The following DPP6 variants were observed in gnomAD, a reference collection of about 807,000 sequenced individuals.
DPP6 encodes dipeptidyl peptidase like 6, also known as A-type potassium channel modulatory protein DPP6.
A neutral mutation model predicts 122.6 loss-of-function variants in DPP6; 69 were observed. The observed-to-expected ratio is 0.56, with a 90% CI of 0.46 to 0.69. The LOEUF (loss-of-function observed/expected upper bound fraction) is 0.69, where lower values mean the gene tolerates loss of function less well. Among genes scored for constraint, DPP6 ranks in the 30% least tolerant of loss-of-function variants. The probability of loss-of-function intolerance (pLI) is 0.00; values close to 1 mark genes in which losing one functional copy is unlikely to be tolerated. For missense variants in DPP6, 928 were observed against 1,116.9 expected (o/e 0.83, Z 2.41); for synonymous variants, 418 against 433.1 (o/e 0.97, Z 0.43).
At chr7:153,997,623 T>G (rs1294132491) in intron 1 of DPP6, among the ~76,000 whole-genome samples, 1 of 68,670 alleles carries the variant, frequency 1.5e-5, no homozygotes, top group East Asian at 3.1e-4. Flanking sequence ...ACACCTGTTT[T>G]GTATTCAAAC....
At chr7:154,854,987 G>C (rs906248979) in intron 17 of DPP6, among the ~76,000 whole-genome samples, 2 of 152,018 alleles carry the variant, frequency 1.3e-5, no homozygotes, top group Non-Finnish European at 2.9e-5. Context: ...AGTTCCCCTA[G>C]GTCTGGGGAC....
At chr7:154,547,766 CT>C (rs967138553) in intron 4 of DPP6, among the ~76,000 whole-genome samples, 10 of 151,584 alleles carry the variant, frequency 6.6e-5, no homozygotes, top group South Asian at 2.1e-4. Context: ...CTCTCTCTCT[CT>C]TTTTTTTTCT....
chr7:154,300,446 TC>T (rs1477485720), intron 1 of DPP6, among the ~76,000 whole-genome samples: 1 of 152,186 alleles, frequency 6.6e-6, no homozygotes, highest in Non-Finnish European at 1.5e-5. Context: ...TTGCAATTCT[TC>T]CTAGACACAA....
intron 1 of DPP6, among the ~76,000 whole-genome samples, chr7:153,946,604 A>G (rs143891824): frequency 1.6e-4 from 24 of 152,188 alleles, no homozygotes; most frequent in African/African-American, 5.5e-4. Flanking sequence ...TGTGACTAAG[A>G]GCACCTAACC....
chr7:153,757,801 A>G, the DPP6 span, among the ~76,000 whole-genome samples: 1 of 152,124 alleles, frequency 6.6e-6, no homozygotes, highest in South Asian at 2.1e-4. Context: ...CTACTAAAAT[A>G]CAAAAATTAG....
chr7:154,877,730 C>A lies in DPP6; in HGVS notation c.2078+1630C>A, dbSNP rs779505042. Among the ~76,000 whole-genome samples, 1 of 152,242 alleles carries A rather than the reference C, an allele frequency of 6.6e-6. No individual in the cohort carries two copies. The highest frequency in any genetic ancestry group is 1.5e-5 in the Non-Finnish European group (1 of 68,036). ...GCAGACAGCAAACCTCTCCTTCCAT[C>A]TCCCTGGCCCTCCCCTGCCCATTCC... is the stretch of plus-strand genomic sequence containing the variant. On this transcript the variant is annotated intron_variant, in intron 20 of 25. Coordinates refer to ENST00000377770, the MANE Select transcript of DPP6 (RefSeq NM_130797.4). This position sits in a 1 kb window ranked among gnomAD's most constrained non-coding sequence, Gnocchi z 5.2.
intron 6 of DPP6, among the ~76,000 whole-genome samples, chr7:154,668,630 A>G (rs1470570566): frequency 6.6e-6 from 1 of 152,166 alleles, no homozygotes; most frequent in East Asian, 1.9e-4. Context: ...CAAAAGAAAC[A>G]TGAAAATGAA....
At chr7:154,454,558 T>A (rs1261143176) in intron 2 of DPP6, among the ~76,000 whole-genome samples, 1 of 152,012 alleles carries the variant, frequency 6.6e-6, no homozygotes, top group Non-Finnish European at 1.5e-5. Context: ...CCATGAGCCC[T>A]CGGGGGACAG....
At chr7:154,694,057 C>T (rs936351939) in intron 7 of DPP6, among the ~76,000 whole-genome samples, 14 of 152,192 alleles carry the variant, frequency 9.2e-5, no homozygotes, top group African/African-American at 3.4e-4. Context: ...TCAAGGTTAA[C>T]TTGCTAGCTG....
chr7:153,811,629 A>G, the DPP6 span, among the ~76,000 whole-genome samples: 2 of 151,988 alleles, frequency 1.3e-5, no homozygotes, highest in Non-Finnish European at 2.9e-5. Context: ...GGCACAGGAC[A>G]CTAGAAGTCA....
intron 16 of DPP6, among the ~76,000 whole-genome samples, chr7:154,822,488 G>T (rs1055042568): frequency 6.6e-6 from 1 of 152,120 alleles, no homozygotes; most frequent in Non-Finnish European, 1.5e-5. Flanking sequence ...CTGTCACCTT[G>T]TGGGTAAGGA....
intron 1 of DPP6, among the ~76,000 whole-genome samples, chr7:154,181,497 A>C (rs1462242614): frequency 6.6e-6 from 1 of 152,194 alleles, no homozygotes; most frequent in African/African-American, 2.4e-5. Flanking sequence ...GACGGCCTTA[A>C]ATAAAGATCC....
intron 3 of DPP6, among the ~76,000 whole-genome samples, chr7:154,515,665 C>A (rs1335190368): frequency 6.6e-6 from 1 of 152,066 alleles, no homozygotes; most frequent in East Asian, 1.9e-4. Flanking sequence ...TTGGTAAAGA[C>A]AGGGTGTTTC....
intron 1 of DPP6, among the ~76,000 whole-genome samples, chr7:153,965,027 CCTTCCTTT>C (rs1397812358): frequency 4.9e-5 from 6 of 123,648 alleles, no homozygotes; most frequent in South Asian, 5.1e-4. Flanking sequence ...TTCCTTCCTT[CCTTCCTTT>C]CTTTCTCTCA....
At chr7:154,417,790 C>T (rs1166934960) in intron 1 of DPP6, among the ~76,000 whole-genome samples, 1 of 151,402 alleles carries the variant, frequency 6.6e-6, no homozygotes, top group Non-Finnish European at 1.5e-5. Flanking sequence ...CTACTCTGTG[C>T]CAGCTACTCT....
intron 1 of DPP6, among the ~76,000 whole-genome samples, chr7:154,387,691 C>A (rs1005346066): frequency 2.6e-5 from 4 of 152,224 alleles, no homozygotes; most frequent in African/African-American, 2.4e-5. Context: ...AGCCTCCCCC[C>A]AACCGAGCCC....
rs143944650 is a variant in DPP6 at position 154,324,867 on chromosome 7, A to ATTTTTTTT, written c.244-121338_244-121331dup. 1.6e-3 allele frequency among the ~76,000 whole-genome samples: 178 copies of ATTTTTTTT among 113,042 alleles called. 6 individuals carry two copies. The highest frequency in any genetic ancestry group is 4.9e-3 in the African/African-American group (145 of 29,570). The allele number at this position is 113,042 out of a possible 152,430, so 74.2% of individuals were successfully genotyped here. A position where few individuals can be genotyped will look rare whatever the true frequency, so the allele number is the denominator to read the frequency against. The stretch of plus-strand genomic sequence containing the variant: ...TCTTTCTTTCTTCTTTCCTTTTGTT[A>ATTTTTTTT]TTTTTTTTTTTTTTTTGAGTCTTGC... On this transcript the variant is annotated intron_variant, in intron 1 of 25. Transcript: ENST00000377770.
At chr7:154,873,824 G>A (rs1331766883) in intron 19 of DPP6, among the ~76,000 whole-genome samples, 11 of 79,700 alleles carry the variant, frequency 1.4e-4, no homozygotes, top group South Asian at 4.3e-4. Flanking sequence ...ATGCACACAC[G>A]CATACATAAA....
At chr7:154,704,402 G>T (rs1840706804) in intron 7 of DPP6, among the ~76,000 whole-genome samples, 1 of 152,232 alleles carries the variant, frequency 6.6e-6, no homozygotes, top group Non-Finnish European at 1.5e-5. Flanking sequence ...AAACATAGTT[G>T]AGAAAGAAGC....
Sources: gnomAD v4.1 joint callset for allele counts (sites outside exome capture counted in the v4.1 genomes callset) on GRCh38, gnomAD v4.1.1 for gene constraint, Gnocchi (gnomAD v3.1) non-coding constraint, MANE v1.5 for transcripts, NCBI Gene and HGNC (gene_info 2026-07-23, HGNC 2026-07-21) for gene names.